Variants in PPM1D observed in about 807,000 individuals in gnomAD.
The protein encoded by PPM1D is protein phosphatase 1D.
PPM1D carries 52 observed loss-of-function variants against 58.3 expected under a neutral mutation model. The ratio of observed to expected loss-of-function variants is 0.89; its 90% CI spans 0.71 to 1.12. The LOEUF (loss-of-function observed/expected upper bound fraction) is 1.12, where lower values mean the gene tolerates loss of function less well. Ranked by LOEUF, PPM1D falls within the 50% of genes most tolerant of loss-of-function variation. The pLI is 0.00. For synonymous variants in PPM1D, 278 were observed against 285.1 expected (o/e 0.98, Z 0.25); for missense variants, 564 against 777.2 (o/e 0.73, Z 3.26).
intron 1 of PPM1D, among the ~76,000 whole-genome samples, chr17:60,606,746 G>A (rs1353878708): frequency 2.0e-5 from 3 of 152,102 alleles, no homozygotes; most frequent in Non-Finnish European, 4.4e-5. Context: ...TTTTTGTCTT[G>A]AGGTAGGGAG....
At chr17:60,625,737 G>A (rs920558451) in intron 2 of PPM1D, among the ~76,000 whole-genome samples, 9 of 152,150 alleles carry the variant, frequency 5.9e-5, no homozygotes, top group Admixed American at 2.0e-4. Flanking sequence ...TCACAAAAAA[G>A]CAGGATATAA....
intron 5 of PPM1D, among the ~76,000 whole-genome samples, chr17:60,658,222 G>A (rs2031472983): frequency 6.6e-6 from 1 of 152,204 alleles, no homozygotes; most frequent in Non-Finnish European, 1.5e-5. Flanking sequence ...CCTTTAGGCA[G>A]TATAGAGAAG....
At position 60,621,941 on chromosome 17, in the gene PPM1D, A is replaced by G. The variant is rs376236615; in HGVS notation, c.473-1580A>G. ...GGTGGCTCACGCCTGTAATCCCAAC[A>G]CTTTGGGAGGCCAAGGCGGGCAGAT... On this transcript the variant is annotated intron_variant, in intron 1 of 5. Coordinates refer to ENST00000305921, the MANE Select transcript of PPM1D (RefSeq NM_003620.4). 2.1e-5 allele frequency among the ~76,000 whole-genome samples: 3 copies of G among 144,844 alleles called. No homozygotes were observed. The Admixed American group carries it at 2.1e-4, about 10-fold the overall frequency.
intron 3 of PPM1D, among the ~76,000 whole-genome samples, chr17:60,640,876 T>A (rs2031120570): frequency 6.6e-6 from 1 of 152,182 alleles, no homozygotes; most frequent in Non-Finnish European, 1.5e-5. Flanking sequence ...ATTGGATTAA[T>A]TTACTTAGGA....
At position 60,663,413 on chromosome 17, in the gene PPM1D, G is replaced by A. The variant is rs1199439973; in HGVS notation, c.1679G>A (p.Gly560Asp). ...CGAAATGGCTTAAGTCGAAGTAGTGGTGCTCAGCCTGCAAGTCTCCCCACA... is the reference window on the plus strand; with the variant it reads ...CGAAATGGCTTAAGTCGAAGTAGTGATGCTCAGCCTGCAAGTCTCCCCACA... ...HRRNGLSRSS[G>D]AQPASLPTTS... Residue 560 changes from glycine (G) to aspartate (D), a missense_variant, in exon 6 of 6, where the codon GGT becomes GAT. Around this residue, in one of 7 missense-constraint regions of PPM1D, gnomAD observed 261 missense variants for 270.1 expected, o/e 0.97. Transcript: ENST00000305921. 1.2e-6 allele frequency: 2 copies of A among 1,614,162 alleles called. No individual in the cohort carries two copies. Among genetic ancestry groups the A allele is most frequent in the East Asian group, 4.5e-5 (2 of 44,894 alleles).
chr17:60,601,721 A>G (rs201698625), intron 1 of PPM1D, among the ~76,000 whole-genome samples: 162 of 152,356 alleles, frequency 1.1e-3, no homozygotes, highest in African/African-American at 3.7e-3. Context: ...TGCTAGAAGG[A>G]AATAAAGGTC....
chr17:60,603,209 TAATAGTTCTCA>T (rs954533690), intron 1 of PPM1D, among the ~76,000 whole-genome samples: 4 of 152,308 alleles, frequency 2.6e-5, no homozygotes, highest in African/African-American at 9.6e-5. Context: ...TGGATTGTAG[TAATAGTTCTCA>T]AACTTTTTGC....
intron 3 of PPM1D, among the ~76,000 whole-genome samples, chr17:60,634,583 A>C (rs2143676405): frequency 6.6e-6 from 1 of 152,276 alleles, no homozygotes; most frequent in Admixed American, 6.5e-5. Flanking sequence ...AGCCCTTAAT[A>C]GTCCTCCTGA....
intron 1 of PPM1D, among the ~76,000 whole-genome samples, chr17:60,602,559 A>G (rs2030238656): frequency 6.6e-6 from 1 of 152,054 alleles, no homozygotes; most frequent in African/African-American, 2.4e-5. Context: ...TGCTGGAATT[A>G]CAGGCGTGAG....
chr17:60,639,790 C>T (rs946163862), intron 3 of PPM1D, among the ~76,000 whole-genome samples: 1 of 152,040 alleles, frequency 6.6e-6, no homozygotes, highest in Non-Finnish European at 1.5e-5. Flanking sequence ...GGATATTTCA[C>T]TTAACCAGAG....
intron 4 of PPM1D, among the ~76,000 whole-genome samples, chr17:60,652,137 A>G (rs141624960): frequency 1.3e-5 from 2 of 152,162 alleles, no homozygotes; most frequent in African/African-American, 4.8e-5. Context: ...TCCACCCTTC[A>G]TCTCTCTCTC....
chr17:60,609,300 G>A (rs1334288541), intron 1 of PPM1D, among the ~76,000 whole-genome samples: 4 of 146,606 alleles, frequency 2.7e-5, no homozygotes, highest in East Asian at 2.1e-4. Context: ...TCACCATGTT[G>A]GCCAGGCTGG....
intron 1 of PPM1D, 40 bp downstream of exon 1, chr17:60,600,926 G>C: frequency 6.2e-7 from 1 of 1,611,080 alleles, no homozygotes. Flanking sequence ...CCCTTTTTCA[G>C]GCAGTTCAGG....
intron 2 of PPM1D, among the ~76,000 whole-genome samples, chr17:60,624,466 T>C (rs2030765484): frequency 6.6e-6 from 1 of 152,180 alleles, no homozygotes; most frequent in African/African-American, 2.4e-5. Context: ...ATTGGTCTTT[T>C]GCAGAGAAAC....
At chr17:60,607,595 C>CT (rs1394526260) in intron 1 of PPM1D, among the ~76,000 whole-genome samples, 1 of 152,196 alleles carries the variant, frequency 6.6e-6, no homozygotes, top group Non-Finnish European at 1.5e-5. Context: ...GCCACCGCAC[C>CT]TGGCAAAAAT....
chr17:60,636,990 CAGAA>C (rs1198314303), intron 3 of PPM1D, among the ~76,000 whole-genome samples: 2 of 128,698 alleles, frequency 1.6e-5, no homozygotes, highest in African/African-American at 5.6e-5. Context: ...TTTTTTTAGA[CAGAA>C]TTTCGCTTTT....
In PPM1D at chr17:60,600,465, G is replaced by A. The variant is rs1357305560; in HGVS notation, c.51G>A (p.Gly17=). The stretch of plus-strand genomic sequence containing the variant: ...TGAGCGTCTTCTCCGACCAGGGCGG[G>A]AGGAAGTACATGGAGGACGTTACTC... ...LGVSVFSDQG[G]RKYMEDVTQI... is the part of the protein sequence containing the mutation. Residue 17 remains glycine, a synonymous_variant, in exon 1 of 6, where the codon GGG becomes GGA. Coordinates refer to ENST00000305921, the MANE Select transcript of PPM1D (RefSeq NM_003620.4). 2 of 1,573,038 alleles carry A rather than the reference G, an allele frequency of 1.3e-6. No individual in the cohort carries two copies. The highest frequency in any genetic ancestry group is 1.3e-5 in the African/African-American group (1 of 74,270).
Position 60,666,183 on chromosome 17 carries a change from C to A in PPM1D, c.*2631C>A, listed in dbSNP as rs191966037. On this transcript the variant is annotated 3_prime_UTR_variant, in exon 6 of 6. Coordinates refer to ENST00000305921, the MANE Select transcript of PPM1D (RefSeq NM_003620.4). The stretch of plus-strand genomic sequence containing the variant: ...ATGTTTTGGTAATAGCATTAATGAA[C>A]AATGTTATTTTCATCTTCCAGACAT... 6.6e-6 allele frequency: 1 copy of A among 152,200 alleles called. No homozygotes were observed. Among genetic ancestry groups the A allele is most frequent in the African/African-American group, 2.4e-5 (1 of 41,528 alleles). 9.4% of individuals were successfully genotyped at this position (152,200 alleles called of 1,614,324 possible).
intron 4 of PPM1D, among the ~76,000 whole-genome samples, chr17:60,652,425 T>C (rs2143710863): frequency 6.6e-6 from 1 of 152,336 alleles, no homozygotes; most frequent in Non-Finnish European, 1.5e-5. Flanking sequence ...ATTCCATATT[T>C]GGACTGTTGT....
Sources: allele counts gnomAD v4.1 joint callset (sites outside exome capture counted in the v4.1 genomes callset), GRCh38; gene constraint gnomAD v4.1.1; regional missense constraint gnomAD v4.1.1; transcripts MANE v1.5; gene names NCBI Gene and HGNC (gene_info 2026-07-23, HGNC 2026-07-21).